The following TSC1 variants were observed in gnomAD, a reference collection of about 807,000 sequenced individuals.
The protein encoded by TSC1 is TSC complex subunit 1.
Under a neutral mutation model 124.3 loss-of-function variants are expected in TSC1, and 20 were observed. That is an observed-to-expected ratio of 0.16 (90% CI 0.11 to 0.23). TSC1 has a LOEUF of 0.23. TSC1 is among the 10% of genes least tolerant of loss of function. The pLI, the probability that TSC1 is intolerant of heterozygous loss-of-function variation, is 1.00. For missense variants in TSC1, 1,124 were observed against 1,448.5 expected (o/e 0.78, Z 3.64); for synonymous variants, 493 against 539.1 (o/e 0.91, Z 1.19).
At chr9:132,904,540 T>C in intron 15 of TSC1, 86 bp from the exon 16 acceptor site, 1 of 1,355,736 alleles carries the variant, frequency 7.4e-7, no homozygotes, top group Non-Finnish European at 1.1e-6. Context: ...CAAAGTTAGA[T>C]CACTTCCTTG....
Position 132,928,917 on chromosome 9 carries a change from A to C in TSC1, c.-45T>G. Reference sequence around the variant, plus strand: ...GTGCTGGCTCCAGGACGTGTGCTACAGGTTCTGAAGGTTCTTCATTGGGGC... The same window carrying C: ...GTGCTGGCTCCAGGACGTGTGCTACCGGTTCTGAAGGTTCTTCATTGGGGC... On this transcript the variant is annotated 5_prime_UTR_variant, in exon 3 of 23. Coordinates refer to ENST00000298552, the MANE Select transcript of TSC1 (RefSeq NM_000368.5). 1 of 1,611,374 alleles carries C rather than the reference A, an allele frequency of 6.2e-7. No individual in the cohort carries two copies. The highest frequency in any genetic ancestry group is 8.5e-7 in the Non-Finnish European group (1 of 1,179,174).
intron 8 of TSC1, among the ~76,000 whole-genome samples, chr9:132,913,415 T>C (rs1249981756): frequency 6.6e-6 from 1 of 152,228 alleles, no homozygotes; most frequent in African/African-American, 2.4e-5. Flanking sequence ...CAACTATCGA[T>C]CTGCTAAAAG....
At position 132,902,161 on chromosome 9, in the gene TSC1, C is replaced by T. The variant is rs1190280966; in HGVS notation, c.2391+444G>A. Among the ~76,000 whole-genome samples, 1 of 152,192 alleles carries T rather than the reference C, an allele frequency of 6.6e-6. No homozygotes were observed. The highest frequency in any genetic ancestry group is 2.4e-5 in the African/African-American group (1 of 41,436). ...AGTGTGGAACAGGAAATGAGGGTGT[C>T]ACTGTCCACTCTGATTTCAAGGTCT... is the stretch of plus-strand genomic sequence containing the variant. On this transcript the variant is annotated intron_variant, in intron 18 of 22. Transcript: ENST00000298552. This position sits in a 1 kb window ranked among gnomAD's most constrained non-coding sequence, Gnocchi z 5.2.
At position 132,928,840 on chromosome 9, in the gene TSC1, A is replaced by G. The variant is rs1329395556; in HGVS notation, c.33T>C (p.Leu11=). The G allele has an allele frequency of 6.2e-7, 1 of 1,614,182 alleles. No homozygotes were observed. Among genetic ancestry groups the G allele is most frequent in the Non-Finnish European group, 8.5e-7 (1 of 1,180,026 alleles). The change falls in exon 3 of 23, where the codon CTT becomes CTC. Residue 11 remains leucine, a synonymous_variant. Coordinates refer to ENST00000298552, the MANE Select transcript of TSC1 (RefSeq NM_000368.5). The part of the protein sequence containing the change: MAQQANVGEL[L]AMLDSPMLGV... ...CCAGCATGGGGGAGTCCAGCATGGCAAGAAGCTCCCCGACATTTGCTTGTT... is the reference window on the plus strand; with the variant it reads ...CCAGCATGGGGGAGTCCAGCATGGCGAGAAGCTCCCCGACATTTGCTTGTT...
rs755647717 is a variant in TSC1, at chr9:132,904,420, G to A, written c.2032C>T (p.His678Tyr). ...PLPSKSVDWT[H>Y]FGGSPPSDEI... ...AAAGTAACAACTTTACCTCCAAAGT[G>A]GGTCCAGTCGACAGACTTGCTGGGT... Residue 678 changes from histidine (H) to tyrosine (Y), a missense_variant, in exon 16 of 23, where the codon CAC (histidine) becomes TAC (tyrosine). Around this residue, in one of 5 missense-constraint regions of TSC1, gnomAD observed 321 missense variants for 397.4 expected, o/e 0.81. Transcript: ENST00000298552. 2 of 1,614,034 alleles carry A rather than the reference G, an allele frequency of 1.2e-6. No individual in the cohort carries two copies. The highest frequency in any genetic ancestry group is 2.2e-5 in the East Asian group (1 of 44,890).
At chr9:132,925,863 G>C (rs1448077061) in intron 4 of TSC1, 124 bp from the exon 5 acceptor site, 3 of 1,275,654 alleles carry the variant, frequency 2.4e-6, no homozygotes, top group East Asian at 4.7e-5. Flanking sequence ...GGGTCATGCA[G>C]ATAAAAGGTC....
intron 4 of TSC1, 36 bp from the exon 5 acceptor site, chr9:132,925,775 G>C (rs1846827403): frequency 6.2e-7 from 1 of 1,613,186 alleles, no homozygotes; most frequent in Non-Finnish European, 8.5e-7. Flanking sequence ...GTCCTCACAT[G>C]AATGTATGAA....
chr9:132,897,154 C>A (rs780282792), intron 22 of TSC1, 30 bp downstream of exon 22: 2 of 1,613,712 alleles, frequency 1.2e-6, no homozygotes. Context: ...AGCTTAGTCC[C>A]AAGGTCATGA....
intron 1 of TSC1, chr9:132,942,435 A>G (rs1450540549): frequency 6.6e-6 from 1 of 152,216 alleles, no homozygotes; most frequent in East Asian, 1.9e-4. Context: ...TTCTGCAAAC[A>G]TTACATATAG....
intron 4 of TSC1, 61 bp downstream of exon 4, chr9:132,927,140 G>A: frequency 6.6e-7 from 1 of 1,514,180 alleles, no homozygotes; most frequent in South Asian, 1.2e-5. Context: ...CAGTGGCCGT[G>A]CACAGAAGCT....
intron 1 of TSC1, among the ~76,000 whole-genome samples, chr9:132,939,862 T>C (rs1847648092): frequency 6.6e-6 from 1 of 152,182 alleles, no homozygotes; most frequent in African/African-American, 2.4e-5. Flanking sequence ...GTTAGAAATG[T>C]AAATTCTCAG....
chr9:132,896,221 T>C lies in TSC1; in HGVS notation c.*14A>G, dbSNP rs200574927. 7.4e-6 allele frequency: 12 copies of C among 1,614,206 alleles called. No individual in the cohort carries two copies. The highest frequency in any genetic ancestry group is 1.6e-4 in the Middle Eastern group (1 of 6,062). On this transcript the variant is annotated 3_prime_UTR_variant, in exon 23 of 23. Transcript: ENST00000298552. This position sits in a 1 kb window ranked among gnomAD's most constrained non-coding sequence, Gnocchi z 4.5. ...CCAACAATATGCAAGTTAACACTGA[T>C]TGACCATCATTCCTTAGCTGTGTTC...
chr9:132,911,199 A>C, intron 10 of TSC1, 86 bp from the exon 11 acceptor site: 1 of 1,160,734 alleles, frequency 8.6e-7, no homozygotes, highest in Non-Finnish European at 1.3e-6. Flanking sequence ...TGTTCAGCTT[A>C]AATTTAGCTT....
At chr9:132,908,741 CA>C (rs1374102099) in intron 12 of TSC1, among the ~76,000 whole-genome samples, 1 of 151,980 alleles carries the variant, frequency 6.6e-6, no homozygotes, top group Admixed American at 6.5e-5. Flanking sequence ...CCACCACGCC[CA>C]GCCGCAAAAA....
intron 5 of TSC1, among the ~76,000 whole-genome samples, chr9:132,924,038 G>A (rs1394583679): frequency 6.8e-6 from 1 of 146,604 alleles, no homozygotes; most frequent in African/African-American, 2.5e-5. Flanking sequence ...CTTCAAAGCA[G>A]TATTTAGAGA....
At position 132,893,424 on chromosome 9, in the gene TSC1, G is replaced by A. The variant is rs903004038; in HGVS notation, c.*2811C>T. On this transcript the variant is annotated 3_prime_UTR_variant, in exon 23 of 23. Coordinates refer to ENST00000298552, the MANE Select transcript of TSC1 (RefSeq NM_000368.5). ...GACTGTATAGCAGAGCCTTGTCAAC[G>A]GCTTTTTGAAAATCCATCAAAGTTC... 3 of 233,154 alleles carry A rather than the reference G, an allele frequency of 1.3e-5. No homozygotes were observed. Among genetic ancestry groups the A allele is most frequent in the Middle Eastern group, 1.3e-3 (1 of 786 alleles). 14.4% of individuals were successfully genotyped at this position (233,154 alleles called of 1,614,324 possible).
At chr9:132,898,042 T>C (rs963672711) in intron 20 of TSC1, among the ~76,000 whole-genome samples, 8 of 151,194 alleles carry the variant, frequency 5.3e-5, no homozygotes, top group Non-Finnish European at 1.0e-4. Flanking sequence ...TGCGAACATA[T>C]ACATATACAA....
rs893518287 is a variant in TSC1 at position 132,925,452 on chromosome 9, A to G, written c.363+135T>C. ...AAGTACCAACTCTGGACAACATTCT[A>G]TTTGAGAAAAGCCAAATGCCTAGAA... is the stretch of plus-strand genomic sequence containing the variant. On this transcript the variant is annotated intron_variant, in intron 5 of 22. Coordinates refer to ENST00000298552, the MANE Select transcript of TSC1 (RefSeq NM_000368.5). The G allele has an allele frequency of 2.0e-4, 213 of 1,040,420 alleles. 1 individual carries two copies. The highest frequency in any genetic ancestry group is 1.5e-4 in the South Asian group (11 of 71,542). 64.4% of individuals were successfully genotyped at this position (1,040,420 alleles called of 1,614,324 possible). A position where few individuals can be genotyped will look rare whatever the true frequency, so the allele number is the denominator to read the frequency against.
In TSC1 at chr9:132,920,193, G is replaced by A. The variant is rs377099980; in HGVS notation, c.737+1170C>T. On this transcript the variant is annotated intron_variant, in intron 8 of 22. Coordinates refer to ENST00000298552, the MANE Select transcript of TSC1 (RefSeq NM_000368.5). ...CTCAGGGACAGTGAAACCACACCAA[G>A]ACTCAGATGCGCTGGTCCTCCTCTC... Among the ~76,000 whole-genome samples, 4 of 152,260 alleles carry A rather than the reference G, an allele frequency of 2.6e-5. 1 individual carries two copies.
Sources: allele counts gnomAD v4.1 joint callset (sites outside exome capture counted in the v4.1 genomes callset), GRCh38; gene constraint gnomAD v4.1.1; regional missense constraint gnomAD v4.1.1; non-coding constraint Gnocchi (gnomAD v3.1); transcripts MANE v1.5; gene names NCBI Gene and HGNC (gene_info 2026-07-23, HGNC 2026-07-21).